The following GLIS3 variants were observed in gnomAD, a reference collection of about 807,000 sequenced individuals.
The protein encoded by GLIS3 is zinc finger protein GLIS3.
A neutral mutation model predicts 78.6 loss-of-function variants in GLIS3; 53 were observed. That is an observed-to-expected ratio of 0.67 (90% confidence interval 0.54 to 0.85). The LOEUF (loss-of-function observed/expected upper bound fraction) is 0.85, where lower values mean the gene tolerates loss of function less well. Ranked by LOEUF, GLIS3 falls within the 40% of genes least tolerant of loss-of-function variation. The pLI is 0.00. For synonymous variants in GLIS3, 684 were observed against 509.9 expected, an observed-to-expected ratio of 1.34 and a Z score of -4.60; for missense variants, 1,703 against 1,231.1, an observed-to-expected ratio of 1.38 and a Z score of -5.74.
At chr9:4,125,358 G>C (rs12156608) in intron 3 of GLIS3, among the ~76,000 whole-genome samples, 1 of 152,140 alleles carries the variant, frequency 6.6e-6, no homozygotes, top group Non-Finnish European at 1.5e-5. Context: ...CATATTCATA[G>C]AAAACCTGGC....
chr9:4,387,830 A>C, the GLIS3 span, among the ~76,000 whole-genome samples: 2 of 152,360 alleles, frequency 1.3e-5, no homozygotes, highest in South Asian at 4.1e-4. Context: ...CTTTCACAAG[A>C]GAATTTAAAA....
chr9:3,846,203 GT>G (rs1188067872), intron 9 of GLIS3, among the ~76,000 whole-genome samples: 4 of 152,134 alleles, frequency 2.6e-5, no homozygotes, highest in Admixed American at 1.3e-4. Flanking sequence ...TTATGGTTCC[GT>G]ACTTAACTTT....
chr9:4,211,387 C>T (rs980215474), intron 2 of GLIS3, among the ~76,000 whole-genome samples: 1 of 152,218 alleles, frequency 6.6e-6, no homozygotes, highest in African/African-American at 2.4e-5. Context: ...TTCATTCACA[C>T]TCAGTGCAGA....
rs1054311774 is a variant in GLIS3 at position 4,216,365 on chromosome 9, C to T, written c.388+69673G>A. Among the ~76,000 whole-genome samples, 9 of 151,256 alleles carry T rather than the reference C, an allele frequency of 6.0e-5. No homozygotes were observed. In the South Asian group the frequency reaches 8.4e-4, roughly 14 times the overall value. Reference sequence around the variant, plus strand: ...GCGGGTGCCTGTAGTCCGAGCTACTCAAGAGGTTGAGGCAGGAGAATGGCG... The same window carrying T: ...GCGGGTGCCTGTAGTCCGAGCTACTTAAGAGGTTGAGGCAGGAGAATGGCG... On this transcript the variant is annotated intron_variant, in intron 2 of 10. Coordinates refer to ENST00000381971, the MANE Select transcript of GLIS3 (RefSeq NM_001042413.2).
chr9:3,861,797 G>A (rs1477983145), intron 8 of GLIS3, among the ~76,000 whole-genome samples: 2 of 152,306 alleles, frequency 1.3e-5, no homozygotes, highest in East Asian at 3.9e-4. Context: ...GGGTGCAGGG[G>A]AGGGAGAGCA....
chr9:3,966,856 A>C (rs1224346566), intron 4 of GLIS3, among the ~76,000 whole-genome samples: 1 of 151,792 alleles, frequency 6.6e-6, no homozygotes, highest in Non-Finnish European at 1.5e-5. Context: ...CCCAATATAA[A>C]AGTGAAATTC....
intron 2 of GLIS3, among the ~76,000 whole-genome samples, chr9:4,142,325 A>G (rs1011138284): frequency 5.9e-5 from 9 of 152,250 alleles, no homozygotes; most frequent in African/African-American, 2.2e-4. Flanking sequence ...AATAATATAC[A>G]AAGTCTTAGA....
At chr9:4,108,396 G>T (rs988836691) in intron 4 of GLIS3, among the ~76,000 whole-genome samples, 7 of 152,176 alleles carry the variant, frequency 4.6e-5, no homozygotes, top group African/African-American at 1.7e-4. Context: ...GGCCTGTGAA[G>T]CAGCATGGAA....
At chr9:4,019,525 G>A (rs571561634) in intron 4 of GLIS3, among the ~76,000 whole-genome samples, 3 of 152,136 alleles carry the variant, frequency 2.0e-5, no homozygotes, top group Admixed American at 1.3e-4. Context: ...ACAATGCAGC[G>A]AAGACTTCTG....
At chr9:4,004,037 C>T (rs1178302157) in intron 4 of GLIS3, among the ~76,000 whole-genome samples, 6 of 152,148 alleles carry the variant, frequency 3.9e-5, no homozygotes, top group Non-Finnish European at 1.5e-5. Context: ...ACTACTTACT[C>T]CATGTCAGGT....
chr9:3,943,429 C>T (rs1445340), intron 4 of GLIS3, among the ~76,000 whole-genome samples: 2 of 151,998 alleles, frequency 1.3e-5, no homozygotes, highest in South Asian at 2.1e-4. Context: ...TCAAATCACC[C>T]GCTTGTCCTT....
At chr9:3,963,939 C>G (rs546610045) in intron 4 of GLIS3, among the ~76,000 whole-genome samples, 1 of 152,066 alleles carries the variant, frequency 6.6e-6, no homozygotes, top group Non-Finnish European at 1.5e-5. Flanking sequence ...TATATTCCAC[C>G]GGTTAAACTG....
intron 4 of GLIS3, among the ~76,000 whole-genome samples, chr9:4,039,101 T>C (rs1160514554): frequency 6.6e-6 from 1 of 152,170 alleles, no homozygotes; most frequent in Non-Finnish European, 1.5e-5. Context: ...TACGTTGCTA[T>C]AATCCTGCCC....
intron 2 of GLIS3, among the ~76,000 whole-genome samples, chr9:4,260,740 G>A (rs1351881164): frequency 2.0e-5 from 3 of 151,458 alleles, no homozygotes; most frequent in Non-Finnish European, 2.9e-5. Flanking sequence ...GCAAGACTCC[G>A]TCCCAAAAAA....
At chr9:4,239,637 G>T (rs1823107413) in intron 2 of GLIS3, among the ~76,000 whole-genome samples, 1 of 152,162 alleles carries the variant, frequency 6.6e-6, no homozygotes, top group South Asian at 2.1e-4. Context: ...CGCTTTGGAG[G>T]CTATACTGGA....
chr9:4,101,081 G>A (rs890905832), intron 4 of GLIS3, among the ~76,000 whole-genome samples: 3 of 152,278 alleles, frequency 2.0e-5, no homozygotes, highest in Non-Finnish European at 2.9e-5. Flanking sequence ...ACAGAAAAAA[G>A]TACTGGCCAA....
intron 8 of GLIS3, among the ~76,000 whole-genome samples, chr9:3,858,128 C>T (rs954717940): frequency 3.3e-5 from 5 of 152,074 alleles, no homozygotes; most frequent in South Asian, 2.1e-4. Context: ...ATCCTTTGAT[C>T]GGCTCCCCAA....
At chr9:4,263,050 C>A (rs1825670058) in intron 2 of GLIS3, among the ~76,000 whole-genome samples, 1 of 152,060 alleles carries the variant, frequency 6.6e-6, no homozygotes, top group Non-Finnish European at 1.5e-5. Flanking sequence ...TCCAGTGCAA[C>A]CAATCAGGAG....
chr9:4,210,364 C>G (rs1361659575), intron 2 of GLIS3, among the ~76,000 whole-genome samples: 4 of 152,194 alleles, frequency 2.6e-5, no homozygotes, highest in Non-Finnish European at 4.4e-5. Context: ...ATTGCCTTTT[C>G]TATTTTGTGG....
Sources: allele counts gnomAD v4.1 joint callset (sites outside exome capture counted in the v4.1 genomes callset), GRCh38; gene constraint gnomAD v4.1.1; transcripts MANE v1.5; gene names NCBI Gene and HGNC (gene_info 2026-07-23, HGNC 2026-07-21).